Variants in RAB3C observed in about 807,000 individuals in gnomAD.
RAB3C encodes the protein ras-related protein Rab-3C.
A neutral mutation model predicts 26.4 loss-of-function variants in RAB3C; 17 were observed. The ratio of observed to expected loss-of-function variants is 0.64; its 90% confidence interval spans 0.44 to 0.97. The LOEUF is 0.97. RAB3C is among the 50% of genes least tolerant of loss of function. The pLI is 0.00. For synonymous variants in RAB3C, 91 were observed against 95.9 expected, an observed-to-expected ratio of 0.95 and a Z score of 0.30; for missense variants, 242 against 281.9, an observed-to-expected ratio of 0.86 and a Z score of 1.01.
intron 1 of RAB3C, among the ~76,000 whole-genome samples, chr5:58,605,427 T>A (rs548008714): frequency 2.0e-5 from 3 of 152,282 alleles, no homozygotes; most frequent in Non-Finnish European, 2.9e-5. Context: ...CACTTCCATC[T>A]TCACACTAGA....
chr5:58,845,257 G>C (rs973015352), intron 4 of RAB3C, among the ~76,000 whole-genome samples: 1 of 152,070 alleles, frequency 6.6e-6, no homozygotes, highest in African/African-American at 2.4e-5. Context: ...GGCTTCCTTT[G>C]CTCTAAGGAC....
chr5:58,674,096 A>C (rs1748176512), intron 2 of RAB3C, among the ~76,000 whole-genome samples: 1 of 152,204 alleles, frequency 6.6e-6, no homozygotes, highest in African/African-American at 2.4e-5. Flanking sequence ...TTTCAGAATA[A>C]AATCCGACTC....
intron 3 of RAB3C, among the ~76,000 whole-genome samples, chr5:58,752,413 T>G (rs547067327): frequency 1.2e-4 from 19 of 152,012 alleles, no homozygotes; most frequent in African/African-American, 4.4e-4. Context: ...AATTCTAGGA[T>G]TGCTTTGGGC....
At chr5:58,661,349 A>T (rs1747903181) in intron 2 of RAB3C, among the ~76,000 whole-genome samples, 1 of 150,094 alleles carries the variant, frequency 6.7e-6, no homozygotes, top group Admixed American at 6.6e-5. Context: ...TATTTCTAAT[A>T]TACATTTCCA....
chr5:58,727,519 C>T (rs1390591120), intron 3 of RAB3C, among the ~76,000 whole-genome samples: 2 of 152,028 alleles, frequency 1.3e-5, no homozygotes, highest in African/African-American at 4.8e-5. Context: ...TAATTAAATA[C>T]AGCAGATTTT....
intron 3 of RAB3C, among the ~76,000 whole-genome samples, chr5:58,808,674 T>C (rs1743001037): frequency 6.6e-6 from 1 of 152,238 alleles, no homozygotes; most frequent in Non-Finnish European, 1.5e-5. Context: ...CTCATTTGTA[T>C]TTGATTTAAA....
rs1485549784 is a variant in RAB3C at position 58,857,871 on chromosome 5, G to A, written c.*6520G>A. On this transcript the variant is annotated 3_prime_UTR_variant, in exon 5 of 5. Coordinates refer to ENST00000282878, the MANE Select transcript of RAB3C (RefSeq NM_138453.4). ...CAAAATCAAGAACTGAAGCCTAGTT[G>A]CTAGATAACGAAAAGCTATAAATGT... The A allele has an allele frequency of 6.6e-6, 1 of 152,144 alleles. No individual in the cohort carries two copies. Among genetic ancestry groups the A allele is most frequent in the Non-Finnish European group, 1.5e-5 (1 of 68,004 alleles). The allele number at this position is 152,144 out of a possible 1,614,324, so 9.4% of individuals were successfully genotyped here. A position where few individuals can be genotyped will look rare whatever the true frequency, so the allele number is the denominator to read the frequency against.
Position 58,615,018 on chromosome 5 carries a change from T to C in RAB3C, c.25-2625T>C, listed in dbSNP as rs150407567. Among the ~76,000 whole-genome samples the C allele has an allele frequency of 1.5e-3, 231 of 152,272 alleles. 1 individual carries two copies. Among genetic ancestry groups the C allele is most frequent in the African/African-American group, 5.2e-3 (215 of 41,570 alleles). On this transcript the variant is annotated intron_variant, in intron 1 of 4. Transcript: ENST00000282878. ...CATATGTGAATACCACACCATTTTA[T>C]ATCAAGTACTTGAGCCATCTGCAGA...
intron 2 of RAB3C, among the ~76,000 whole-genome samples, chr5:58,623,680 C>A (rs988284392): frequency 6.6e-6 from 1 of 152,216 alleles, no homozygotes; most frequent in African/African-American, 2.4e-5. Flanking sequence ...TCAGCATTGA[C>A]AAAATACAAA....
rs1369107709 is a variant in RAB3C, at chr5:58,596,895, ATAT to A, written c.24+13667_24+13669del. 5.7e-3 allele frequency among the ~76,000 whole-genome samples: 552 copies of A among 97,236 alleles called. 5 individuals are homozygous for A. Among genetic ancestry groups the A allele is most frequent in the African/African-American group, 0.021 (477 of 22,976 alleles). The allele number at this position is 97,236 out of a possible 152,430, so 63.8% of individuals were successfully genotyped here. A position where few individuals can be genotyped will look rare whatever the true frequency, so the allele number is the denominator to read the frequency against. On this transcript the variant is annotated intron_variant, in intron 1 of 4. Coordinates refer to ENST00000282878, the MANE Select transcript of RAB3C (RefSeq NM_138453.4). Reference sequence around the variant, plus strand: ...TTTAATATATAATACATAATATATAATATTATATTTTAATATATAATACATAAT... The same window carrying A: ...TTTAATATATAATACATAATATATAATATATTTTAATATATAATACATAAT...
chr5:58,726,268 G>C, intron 3 of RAB3C, 148 bp downstream of exon 3: 1 of 477,084 alleles, frequency 2.1e-6, no homozygotes, highest in Admixed American at 3.5e-5. Flanking sequence ...AAAAAAAAAT[G>C]CTGTTTATGC....
intron 2 of RAB3C, among the ~76,000 whole-genome samples, chr5:58,723,391 A>T (rs1231596616): frequency 6.6e-6 from 1 of 151,866 alleles, no homozygotes; most frequent in Non-Finnish European, 1.5e-5. Flanking sequence ...CAAGAGTAGA[A>T]TATAATTGTT....
At chr5:58,584,862 A>G (rs190720934) in intron 1 of RAB3C, among the ~76,000 whole-genome samples, 2 of 152,210 alleles carry the variant, frequency 1.3e-5, no homozygotes, top group African/African-American at 4.8e-5. Context: ...GTTGCTTAGA[A>G]TGTTCAGAAA....
At chr5:58,610,915 C>T (rs1483828706) in intron 1 of RAB3C, among the ~76,000 whole-genome samples, 4 of 152,068 alleles carry the variant, frequency 2.6e-5, no homozygotes, top group African/African-American at 9.7e-5. Flanking sequence ...CCACCCTTCA[C>T]TGTTCTATAG....
chr5:58,770,143 A>G (rs1402913265), intron 3 of RAB3C, among the ~76,000 whole-genome samples: 1 of 152,126 alleles, frequency 6.6e-6, no homozygotes, highest in African/African-American at 2.4e-5. Flanking sequence ...TAATTAATGA[A>G]CCACCCTCTT....
At chr5:58,654,705 T>C (rs116669320) in intron 2 of RAB3C, among the ~76,000 whole-genome samples, 2,923 of 152,252 alleles carry the variant, frequency 0.019, 49 homozygotes, top group South Asian at 0.029. Context: ...CCTCTCTCTC[T>C]CTCCAATGTA....
chr5:58,625,208 T>C (rs975168951), intron 2 of RAB3C, among the ~76,000 whole-genome samples: 1 of 151,586 alleles, frequency 6.6e-6, no homozygotes, highest in African/African-American at 2.4e-5. Context: ...ACTGTGCATA[T>C]TTTATTTGCA....
intron 2 of RAB3C, among the ~76,000 whole-genome samples, chr5:58,667,589 C>T (rs1346826312): frequency 6.6e-6 from 1 of 152,086 alleles, no homozygotes; most frequent in African/African-American, 2.4e-5. Flanking sequence ...TATATGGAGC[C>T]ATACAAAATT....
At chr5:58,848,999 T>C (rs1051196514) in intron 4 of RAB3C, among the ~76,000 whole-genome samples, 1 of 152,192 alleles carries the variant, frequency 6.6e-6, no homozygotes, top group Non-Finnish European at 1.5e-5. Context: ...GAAGCTGAGA[T>C]CATGTTGGCT....
Sources: gnomAD v4.1 joint callset for allele counts (sites outside exome capture counted in the v4.1 genomes callset) on GRCh38, gnomAD v4.1.1 for gene constraint, MANE v1.5 for transcripts, NCBI Gene and HGNC (gene_info 2026-07-23, HGNC 2026-07-21) for gene names.